The following CCDC148 variants were observed in gnomAD, a reference collection of about 807,000 sequenced individuals.
CCDC148 encodes coiled-coil domain containing 148.
In CCDC148, 89 loss-of-function variants were observed where a neutral mutation model predicts 85.7. The observed-to-expected ratio is 1.04, with a 90% CI of 0.87 to 1.24. CCDC148 has a LOEUF of 1.24. Ranked by LOEUF, CCDC148 falls within the 50% of genes most tolerant of loss-of-function variation. The pLI is 0.00. For synonymous variants in CCDC148, 230 were observed against 213.9 expected (o/e 1.08, Z -0.66); for missense variants, 692 against 671.7 (o/e 1.03, Z -0.33).
chr2:158,293,910 A>T (rs1691012017), intron 9 of CCDC148, among the ~76,000 whole-genome samples: 1 of 147,038 alleles, frequency 6.8e-6, no homozygotes, highest in African/African-American at 2.5e-5. Flanking sequence ...ACTTCTGGAA[A>T]ACCAATGAGG....
intron 11 of CCDC148, among the ~76,000 whole-genome samples, chr2:158,216,075 A>G (rs939935218): frequency 2.6e-5 from 4 of 152,146 alleles, no homozygotes; most frequent in Non-Finnish European, 5.9e-5. Context: ...AAGCTAACTA[A>G]TACAGTGGTA....
At chr2:158,326,210 T>A (rs559448827) in intron 7 of CCDC148, among the ~76,000 whole-genome samples, 1 of 152,160 alleles carries the variant, frequency 6.6e-6, no homozygotes, top group African/African-American at 2.4e-5. Flanking sequence ...TCAGTAAACA[T>A]TGACTGGAAT....
chr2:158,294,774 G>C (rs1478130596), intron 9 of CCDC148, among the ~76,000 whole-genome samples: 1 of 149,952 alleles, frequency 6.7e-6, no homozygotes, highest in Non-Finnish European at 1.5e-5. Flanking sequence ...CAGTGAGCTG[G>C]GATCTCACCA....
intron 10 of CCDC148, among the ~76,000 whole-genome samples, chr2:158,243,416 A>T (rs1369861429): frequency 6.6e-6 from 1 of 152,132 alleles, no homozygotes; most frequent in African/African-American, 2.4e-5. Flanking sequence ...CCAAGCTGGC[A>T]GTGTTTCTAA....
chr2:158,431,304 A>C (rs1687336764), intron 1 of CCDC148, among the ~76,000 whole-genome samples: 1 of 152,014 alleles, frequency 6.6e-6, no homozygotes, highest in Admixed American at 6.6e-5. Context: ...ATTGTTAAAA[A>C]AAACTGTCAT....
At chr2:158,179,033 C>A (rs1287294271) in intron 11 of CCDC148, 37 bp from the exon 12 acceptor site, 3 of 1,482,910 alleles carry the variant, frequency 2.0e-6, no homozygotes, top group Non-Finnish European at 1.9e-6. Flanking sequence ...GTGGAAGCAT[C>A]ATAATAATAT....
chr2:158,422,574 G>A (rs1224421361), intron 1 of CCDC148, among the ~76,000 whole-genome samples: 4 of 152,062 alleles, frequency 2.6e-5, no homozygotes, highest in African/African-American at 9.7e-5. Context: ...GGTATTGATG[G>A]GACGTATCTC....
intron 10 of CCDC148, among the ~76,000 whole-genome samples, chr2:158,237,335 C>A (rs1165848117): frequency 1.3e-5 from 2 of 152,022 alleles, no homozygotes; most frequent in South Asian, 4.1e-4. Context: ...GTGACATGAT[C>A]TAAAGTGAGT....
At chr2:158,423,111 C>T (rs1686886880) in intron 1 of CCDC148, among the ~76,000 whole-genome samples, 1 of 152,160 alleles carries the variant, frequency 6.6e-6, no homozygotes. Flanking sequence ...ACATTCCATG[C>T]TCATGGATAG....
chr2:158,239,392 A>G (rs554871051), intron 10 of CCDC148, among the ~76,000 whole-genome samples: 88 of 151,888 alleles, frequency 5.8e-4, no homozygotes, highest in Non-Finnish European at 1.1e-3. Flanking sequence ...TACCTTTTAA[A>G]AAGATGCTCT....
intron 11 of CCDC148, among the ~76,000 whole-genome samples, chr2:158,219,580 G>A (rs1307480419): frequency 6.6e-6 from 1 of 152,200 alleles, no homozygotes; most frequent in Non-Finnish European, 1.5e-5. Context: ...TGTCCACAGA[G>A]TTCCAATGGC....
intron 1 of CCDC148, among the ~76,000 whole-genome samples, chr2:158,403,507 T>C (rs1055276768): frequency 9.9e-5 from 15 of 152,236 alleles, no homozygotes; most frequent in South Asian, 2.1e-4. Flanking sequence ...TTTTTAGAGC[T>C]ACTGACCTTT....
chr2:158,351,432 G>C (rs1683275678), intron 2 of CCDC148, among the ~76,000 whole-genome samples: 2 of 149,110 alleles, frequency 1.3e-5, no homozygotes, highest in African/African-American at 2.5e-5. Context: ...GGAAGCGCAA[G>C]GGGTCAGGGA....
At chr2:158,222,459 CCTCT>C (rs780045205) in intron 10 of CCDC148, among the ~76,000 whole-genome samples, 1 of 148,730 alleles carries the variant, frequency 6.7e-6, no homozygotes, top group East Asian at 2.0e-4. Flanking sequence ...GTGCTCTCTC[CCTCT>C]CTCTCTTTCT....
chr2:158,345,197 A>C lies in CCDC148; in HGVS notation c.251+18T>G, dbSNP rs374141979. The stretch of plus-strand genomic sequence containing the variant: ...CTAGTAATTCCTACGTGTTCTTACT[A>C]TGTCCCCCAGTTCTTACCTGACTTC... On this transcript the variant is annotated intron_variant, in intron 3 of 13. Coordinates refer to ENST00000283233, the MANE Select transcript of CCDC148 (RefSeq NM_138803.4). The C allele has an allele frequency of 3.2e-5, 50 of 1,576,022 alleles. No individual in the cohort carries two copies. The African/African-American group carries it at 6.3e-4, about 20-fold the overall frequency.
At chr2:158,411,307 A>G (rs985485165) in intron 1 of CCDC148, among the ~76,000 whole-genome samples, 3 of 151,924 alleles carry the variant, frequency 2.0e-5, no homozygotes, top group African/African-American at 7.3e-5. Context: ...CTCCTTCCCT[A>G]TGACTCTGAT....
In CCDC148 at chr2:158,227,394, T is replaced by C. The variant is rs111410879; in HGVS notation, c.1252-6681A>G. On this transcript the variant is annotated intron_variant, in intron 10 of 13. Coordinates refer to ENST00000283233, the MANE Select transcript of CCDC148 (RefSeq NM_138803.4). ...TGGCCATACTGCCCAAGGTAATTTA[T>C]AGATTCAATGCCATCCCCATCAAGC... 1.6e-3 allele frequency among the ~76,000 whole-genome samples: 249 copies of C among 151,676 alleles called. 4 individuals are homozygous for C. Among genetic ancestry groups the C allele is most frequent in the Admixed American group, 2.0e-3 (31 of 15,222 alleles).
intron 9 of CCDC148, among the ~76,000 whole-genome samples, chr2:158,276,427 C>T (rs983697074): frequency 3.9e-5 from 6 of 151,934 alleles, no homozygotes; most frequent in African/African-American, 9.7e-5. Context: ...AAGTGAGACT[C>T]GGTCTCAAAA....
intron 9 of CCDC148, among the ~76,000 whole-genome samples, chr2:158,281,121 C>A (rs80002599): frequency 3.9e-5 from 6 of 152,038 alleles, no homozygotes; most frequent in Non-Finnish European, 7.4e-5. Context: ...GGGACACATT[C>A]AAAGCAGTGT....
Sources: gnomAD v4.1 joint callset for allele counts (sites outside exome capture counted in the v4.1 genomes callset) on GRCh38, gnomAD v4.1.1 for gene constraint, MANE v1.5 for transcripts, NCBI Gene and HGNC (gene_info 2026-07-23, HGNC 2026-07-21) for gene names.